CEP162: variants seen among roughly 807,000 people sequenced by gnomAD.
CEP162 encodes centrosomal protein of 162 kDa.
In CEP162, 141 loss-of-function variants were observed where a neutral mutation model predicts 169.2. That is an observed-to-expected ratio of 0.83 (90% CI 0.73 to 0.96). The LOEUF (loss-of-function observed/expected upper bound fraction) is 0.96, where lower values mean the gene tolerates loss of function less well. CEP162 is among the 40% of genes least tolerant of loss of function. The probability of loss-of-function intolerance (pLI) is 0.00; values close to 1 mark genes in which losing one functional copy is unlikely to be tolerated. For missense variants in CEP162, 1,600 were observed against 1,587.2 expected (o/e 1.01, Z -0.14); for synonymous variants, 540 against 526.4 (o/e 1.03, Z -0.35).
At chr6:84,195,921 G>A (rs1408040843) in intron 9 of CEP162, among the ~76,000 whole-genome samples, 1 of 152,144 alleles carries the variant, frequency 6.6e-6, no homozygotes, top group Non-Finnish European at 1.5e-5. Context: ...CAACTTAACA[G>A]ACATCTAGAT....
At chr6:84,171,894 A>T (rs1255807567) in intron 16 of CEP162, among the ~76,000 whole-genome samples, 176 bp from the exon 17 acceptor site, 1 of 152,192 alleles carries the variant, frequency 6.6e-6, no homozygotes, top group African/African-American at 2.4e-5. Context: ...TTTGGTGTCT[A>T]AAAACAGTTC....
chr6:84,205,760 G>C (rs908286660), intron 6 of CEP162, among the ~76,000 whole-genome samples: 1 of 151,766 alleles, frequency 6.6e-6, no homozygotes, highest in Non-Finnish European at 1.5e-5. Flanking sequence ...TATTCAATTA[G>C]GAAAAGAGGA....
At chr6:84,218,371 C>T (rs958792068) in intron 3 of CEP162, among the ~76,000 whole-genome samples, 1 of 152,146 alleles carries the variant, frequency 6.6e-6, no homozygotes, top group Non-Finnish European at 1.5e-5. Context: ...GGACCGTGCT[C>T]GTCCTCATAG....
rs745818864 is a variant in CEP162 at position 84,221,115 on chromosome 6, C to T, written c.114G>A (p.Glu38=). 1.3e-5 allele frequency: 21 copies of T among 1,604,182 alleles called. No homozygotes were observed. Among genetic ancestry groups the T allele is most frequent in the Middle Eastern group, 1.7e-4 (1 of 6,040 alleles). Reference sequence around the variant, plus strand: ...AAGGCACTGTATCTTTCTTCTTCATCTCTTTTTTAGATTGTCTAGCTGTTT... The same window carrying T: ...AAGGCACTGTATCTTTCTTCTTCATTTCTTTTTTAGATTGTCTAGCTGTTT... ...SDKTARQSKK[E]MKKKDTVPWW... Residue 38 remains glutamate, a synonymous_variant, in exon 3 of 27, where the codon GAG becomes GAA. Coordinates refer to ENST00000403245, the MANE Select transcript of CEP162 (RefSeq NM_014895.4).
intron 13 of CEP162, among the ~76,000 whole-genome samples, chr6:84,182,499 T>G (rs1040094446): frequency 6.6e-6 from 1 of 152,108 alleles, no homozygotes; most frequent in Non-Finnish European, 1.5e-5. Flanking sequence ...TTCCTATTAA[T>G]AAATATCTAA....
intron 2 of CEP162, among the ~76,000 whole-genome samples, chr6:84,222,010 G>A (rs1562100915): frequency 6.6e-6 from 1 of 151,104 alleles, no homozygotes. Context: ...CATAGTACCA[G>A]GCACAATTGC....
At chr6:84,189,245 C>T (rs2099538608) in intron 11 of CEP162, among the ~76,000 whole-genome samples, 1 of 152,298 alleles carries the variant, frequency 6.6e-6, no homozygotes, top group East Asian at 1.9e-4. Context: ...GGCACCTCCC[C>T]TGCCTGGGCT....
chr6:84,212,029 C>A (rs2099549700), intron 6 of CEP162, among the ~76,000 whole-genome samples: 1 of 150,684 alleles, frequency 6.6e-6, no homozygotes, highest in South Asian at 2.1e-4. Context: ...AATCATTAAA[C>A]TGCCCGAAGG....
intron 25 of CEP162, among the ~76,000 whole-genome samples, chr6:84,137,798 C>A (rs1387253465): frequency 6.6e-6 from 1 of 151,856 alleles, no homozygotes; most frequent in East Asian, 1.9e-4. Context: ...TATTAAAACT[C>A]TAGAATATTA....
chr6:84,189,269 T>C (rs2099538621), intron 11 of CEP162, among the ~76,000 whole-genome samples: 1 of 152,074 alleles, frequency 6.6e-6, no homozygotes, highest in East Asian at 1.9e-4. Context: ...ACTTTGGTGG[T>C]ATTTGAGGAG....
chr6:84,219,129 T>A, intron 3 of CEP162: 1 of 1,250,910 alleles, frequency 8.0e-7, no homozygotes, highest in Non-Finnish European at 1.1e-6. Context: ...AATGCATTCC[T>A]CTTCTCAAGA....
At chr6:84,171,178 T>C (rs1693732737) in intron 17 of CEP162, among the ~76,000 whole-genome samples, 1 of 152,188 alleles carries the variant, frequency 6.6e-6, no homozygotes, top group Admixed American at 6.6e-5. Flanking sequence ...CACAAGGACC[T>C]CCACCATCTC....
rs376710739 is a variant in CEP162 at position 84,226,055 on chromosome 6, T to C, written c.57+282A>G. ...AAGGAGGAGTTGTTTGTTTTTTTTT[T>C]TCTACATGTGATGGGAGACCAATAG... On this transcript the variant is annotated intron_variant, in intron 2 of 26. Transcript: ENST00000403245. Among the ~76,000 whole-genome samples the C allele has an allele frequency of 7.8e-4, 119 of 152,050 alleles. 3 individuals are homozygous for C. Among genetic ancestry groups the C allele is most frequent in the African/African-American group, 2.7e-3 (110 of 41,446 alleles).
chr6:84,173,132 G>A (rs1266205276), intron 16 of CEP162, among the ~76,000 whole-genome samples: 1 of 152,112 alleles, frequency 6.6e-6, no homozygotes, highest in Non-Finnish European at 1.5e-5. Flanking sequence ...GAGCATTACA[G>A]GAAACTAAGA....
rs151033209 is a variant in CEP162 at position 84,147,467 on chromosome 6, G to A, written c.3772-682C>T. Among the ~76,000 whole-genome samples, 1,031 of 152,060 alleles carry A rather than the reference G, an allele frequency of 6.8e-3. 13 individuals carry two copies. Among genetic ancestry groups the A allele is most frequent in the South Asian group, 0.023 (109 of 4,814 alleles). ...GGCAACAATATTATGTGTATTTCACGGTAACTAGAAGAGAGAGTTTGAAGT... is the reference window on the plus strand; with the variant it reads ...GGCAACAATATTATGTGTATTTCACAGTAACTAGAAGAGAGAGTTTGAAGT... On this transcript the variant is annotated intron_variant, in intron 24 of 26. Transcript: ENST00000403245.
At chr6:84,215,199 T>C in intron 5 of CEP162, 83 bp downstream of exon 5, 1 of 645,468 alleles carries the variant, frequency 1.5e-6, no homozygotes, top group Non-Finnish European at 2.4e-6. Context: ...TTATAATGTT[T>C]ACCTATTTAA....
intron 1 of CEP162, 63 bp from the exon 2 acceptor site, chr6:84,226,515 C>T (rs898272586): frequency 1.4e-6 from 1 of 728,398 alleles, no homozygotes; most frequent in African/African-American, 1.8e-5. Flanking sequence ...CACGACCAGA[C>T]TTAAACTTCG....
At chr6:84,187,676 A>T (rs1450630395) in intron 11 of CEP162, among the ~76,000 whole-genome samples, 1 of 152,186 alleles carries the variant, frequency 6.6e-6, no homozygotes, top group Non-Finnish European at 1.5e-5. Context: ...GATGGCAGGA[A>T]ACTGATAACT....
At chr6:84,189,874 G>A (rs1168761050) in intron 11 of CEP162, among the ~76,000 whole-genome samples, 2 of 152,236 alleles carry the variant, frequency 1.3e-5, no homozygotes, top group East Asian at 1.9e-4. Context: ...ATCTAGCTCA[G>A]GGATTGTAAA....
Sources: gnomAD v4.1 joint callset for allele counts (sites outside exome capture counted in the v4.1 genomes callset) on GRCh38, gnomAD v4.1.1 for gene constraint, MANE v1.5 for transcripts, NCBI Gene and HGNC (gene_info 2026-07-23, HGNC 2026-07-21) for gene names.